The following WWOX variants were observed in gnomAD, a reference collection of about 807,000 sequenced individuals.
WWOX encodes WW domain containing oxidoreductase, also known as WW domain-containing oxidoreductase.
In WWOX, 69 loss-of-function variants were observed where a neutral mutation model predicts 46.2. The observed-to-expected ratio is 1.49, with a 90% CI of 1.23 to 1.82. The LOEUF is 1.82. WWOX is among the 40% of genes most tolerant of loss of function. WWOX has a pLI of 0.00. For missense variants in WWOX, 919 were observed against 542.6 expected (o/e 1.69, Z -6.89); for synonymous variants, 359 against 202.6 (o/e 1.77, Z -6.56).
intron 5 of WWOX, among the ~76,000 whole-genome samples, chr16:78,308,732 C>T (rs182230798): frequency 1.3e-5 from 2 of 152,208 alleles, no homozygotes; most frequent in Admixed American, 1.3e-4. Context: ...CTCTCTGAGG[C>T]CTATTTCCTG....
rs117339451 is a variant in WWOX, at chr16:78,674,069, A to T, written c.1056+241317A>T. Among the ~76,000 whole-genome samples, 27 of 152,254 alleles carry T rather than the reference A, an allele frequency of 1.8e-4. No individual in the cohort carries two copies. The East Asian group carries it at 5.0e-3, about 28-fold the overall frequency. On this transcript the variant is annotated intron_variant, in intron 8 of 8. Transcript: ENST00000566780. ...TCTCGATGGGAACCGACTCAAAGAGAAATTTCGCAAACTTCATGGAATTTT... is the reference window on the plus strand; with the variant it reads ...TCTCGATGGGAACCGACTCAAAGAGTAATTTCGCAAACTTCATGGAATTTT...
chr16:78,852,292 C>T (rs74035122), intron 8 of WWOX, among the ~76,000 whole-genome samples: 16,999 of 152,178 alleles, frequency 0.11, 1,454 homozygotes, highest in African/African-American at 0.24. Context: ...CCTGTGTAAC[C>T]TACAGGGGGA....
intron 8 of WWOX, among the ~76,000 whole-genome samples, chr16:78,440,437 G>A (rs1205794517): frequency 6.6e-6 from 1 of 151,978 alleles, no homozygotes; most frequent in East Asian, 1.9e-4. Context: ...AAGCAGTTTT[G>A]GTCTCTCAGA....
At chr16:78,921,055 C>G (rs557148807) in intron 8 of WWOX, among the ~76,000 whole-genome samples, 1 of 152,208 alleles carries the variant, frequency 6.6e-6, no homozygotes, top group African/African-American at 2.4e-5. Flanking sequence ...ACATTTCCAA[C>G]CAGATTTTGT....
At chr16:78,162,598 C>G (rs1340066087) in intron 4 of WWOX, among the ~76,000 whole-genome samples, 1 of 152,050 alleles carries the variant, frequency 6.6e-6, no homozygotes, top group African/African-American at 2.4e-5. Context: ...ATACATATTT[C>G]TGCTTATGGC....
At chr16:79,011,535 A>G (rs572000790) in intron 8 of WWOX, among the ~76,000 whole-genome samples, 3 of 150,454 alleles carry the variant, frequency 2.0e-5, no homozygotes, top group African/African-American at 7.3e-5. Context: ...TCTGTCCCCC[A>G]GGCTGGAGTG....
At chr16:78,143,288 G>A (rs986018909) in intron 4 of WWOX, among the ~76,000 whole-genome samples, 1 of 152,144 alleles carries the variant, frequency 6.6e-6, no homozygotes, top group Admixed American at 6.5e-5. Context: ...TGAACTTGCT[G>A]TTATAATTAT....
At chr16:78,904,884 C>T (rs1177922028) in intron 8 of WWOX, among the ~76,000 whole-genome samples, 3 of 152,192 alleles carry the variant, frequency 2.0e-5, no homozygotes, top group Non-Finnish European at 2.9e-5. Flanking sequence ...AAGAAGCACA[C>T]ACACCTTTCT....
intron 6 of WWOX, among the ~76,000 whole-genome samples, chr16:78,421,359 C>A (rs1206551772): frequency 6.6e-6 from 1 of 152,076 alleles, no homozygotes; most frequent in African/African-American, 2.4e-5. Flanking sequence ...TTATCTTAGT[C>A]AGTCTAATCT....
chr16:78,778,423 C>T (rs530090054), intron 8 of WWOX, among the ~76,000 whole-genome samples: 18 of 152,314 alleles, frequency 1.2e-4, no homozygotes, highest in African/African-American at 3.8e-4. Flanking sequence ...GACATAATGT[C>T]GGACCTCAGT....
At position 78,847,295 on chromosome 16, in the gene WWOX, C is replaced by T. The variant is rs537130674; in HGVS notation, c.1057-364313C>T. On this transcript the variant is annotated intron_variant, in intron 8 of 8. Coordinates refer to ENST00000566780, the MANE Select transcript of WWOX (RefSeq NM_016373.4). ...TGTATTATACAAACCCATGCACATA[C>T]ACCTATCTCCATTTATTCCTGTATC... 1.6e-4 allele frequency among the ~76,000 whole-genome samples: 25 copies of T among 152,298 alleles called. No homozygotes were observed. The East Asian group carries it at 4.8e-3, about 29-fold the overall frequency.
intron 6 of WWOX, among the ~76,000 whole-genome samples, chr16:78,419,012 C>G (rs985702471): frequency 6.6e-5 from 10 of 152,112 alleles, no homozygotes; most frequent in South Asian, 2.1e-4. Flanking sequence ...GTAAAACTAT[C>G]TTTATTTGCA....
intron 8 of WWOX, among the ~76,000 whole-genome samples, chr16:78,828,565 C>T: frequency 6.6e-6 from 1 of 151,724 alleles, no homozygotes; most frequent in Admixed American, 6.6e-5. Flanking sequence ...ATAACTATAT[C>T]ATTTATTAAG....
At chr16:78,468,393 A>G (rs1389811577) in intron 8 of WWOX, among the ~76,000 whole-genome samples, 1 of 151,700 alleles carries the variant, frequency 6.6e-6, no homozygotes, top group Non-Finnish European at 1.5e-5. Context: ...GTATTGTTGC[A>G]ACGGCAAAAA....
intron 8 of WWOX, among the ~76,000 whole-genome samples, chr16:79,031,421 T>A (rs1285602882): frequency 6.4e-5 from 4 of 62,130 alleles, no homozygotes; most frequent in Non-Finnish European, 1.3e-4. Flanking sequence ...TGAAACGCAT[T>A]AGACATCTTC....
rs755793463 is a variant in WWOX at position 79,127,671 on chromosome 16, T to G, written c.1057-83937T>G. Among the ~76,000 whole-genome samples the G allele has an allele frequency of 6.6e-5, 10 of 151,816 alleles. 1 individual carries two copies. The highest frequency in any genetic ancestry group is 3.4e-3 in the Middle Eastern group (1 of 294). ...CTGAGAGAGTATGCACTCCGGTCGT[T>G]TTCATAGATATTGCCAAATTGCCCT... On this transcript the variant is annotated intron_variant, in intron 8 of 8. Transcript: ENST00000566780.
At chr16:78,118,914 A>G (rs1262677672) in intron 4 of WWOX, 1 of 152,046 alleles carries the variant, frequency 6.6e-6, no homozygotes, top group Non-Finnish European at 1.5e-5. Flanking sequence ...TTGCCTCCTC[A>G]GAAACTAACA....
In WWOX at chr16:78,182,116, C is replaced by T. The variant is rs117626945; in HGVS notation, c.516+17827C>T. On this transcript the variant is annotated intron_variant, in intron 5 of 8. Transcript: ENST00000566780. ...GTTCAAATCCGGTTTATGCCACTTGCGAAAACCATGTGACCTTCACTTGTT... is the reference window on the plus strand; with the variant it reads ...GTTCAAATCCGGTTTATGCCACTTGTGAAAACCATGTGACCTTCACTTGTT... 4.8e-3 allele frequency among the ~76,000 whole-genome samples: 735 copies of T among 152,278 alleles called. 9 individuals carry two copies. Among genetic ancestry groups the T allele is most frequent in the Middle Eastern group, 0.01 (3 of 294 alleles).
chr16:78,957,231 C>A (rs191900141), intron 8 of WWOX, among the ~76,000 whole-genome samples: 1 of 152,160 alleles, frequency 6.6e-6, no homozygotes, highest in Non-Finnish European at 1.5e-5. Flanking sequence ...ACCACACCGC[C>A]GTCCTTTTGT....
Sources: gnomAD v4.1 joint callset for allele counts (sites outside exome capture counted in the v4.1 genomes callset) on GRCh38, gnomAD v4.1.1 for gene constraint, MANE v1.5 for transcripts, NCBI Gene and HGNC (gene_info 2026-07-23, HGNC 2026-07-21) for gene names.